Variants in BCORL1 observed in about 807,000 individuals in gnomAD.
BCORL1 encodes BCL6 corepressor like 1.
Under a neutral mutation model 87.6 loss-of-function variants are expected in BCORL1, and 7 were observed. The ratio of observed to expected loss-of-function variants is 0.08; its 90% CI spans 0.05 to 0.15. The LOEUF is 0.15. BCORL1 is among the 10% of genes least tolerant of loss of function. The pLI, the probability that BCORL1 is intolerant of heterozygous loss-of-function variation, is 1.00. For missense variants in BCORL1, 1,215 were observed against 1,499.7 expected, an observed-to-expected ratio of 0.81 and a Z score of 3.13; for synonymous variants, 591 against 634.4, an observed-to-expected ratio of 0.93 and a Z score of 1.03.
At chrX:130,039,313 C>T in intron 11 of BCORL1, 31 bp downstream of exon 11, 2 of 1,200,991 alleles carry the variant, frequency 1.7e-6, no homozygotes, top group Non-Finnish European at 1.1e-6. Context: ...ACACTGTTGT[C>T]CTTGGGGCCA....
At chrX:129,998,366 G>C (rs1927729181) in intron 1 of BCORL1, among the ~76,000 whole-genome samples, 1 of 109,674 alleles carries the variant, frequency 9.1e-6, no homozygotes, top group South Asian at 3.9e-4. Flanking sequence ...GCGGGGTGGT[G>C]GGGGGAGGTG....
chrX:130,045,417 T>C (rs774449766), intron 11 of BCORL1, among the ~76,000 whole-genome samples: 5 of 110,853 alleles, frequency 4.5e-5, no homozygotes, highest in African/African-American at 1.6e-4. Flanking sequence ...ACCTCTGCCA[T>C]ATGACCCCAT....
intron 1 of BCORL1, among the ~76,000 whole-genome samples, chrX:129,993,184 T>A (rs893076750): frequency 8.9e-6 from 1 of 112,287 alleles, no homozygotes; most frequent in Non-Finnish European, 1.9e-5. Flanking sequence ...AATTTCACAA[T>A]GATCACTTAA....
intron 11 of BCORL1, among the ~76,000 whole-genome samples, chrX:130,041,849 G>C (rs1485227767): frequency 1.8e-5 from 2 of 111,267 alleles, no homozygotes; most frequent in South Asian, 7.5e-4. Flanking sequence ...GGATGGTCTC[G>C]ATCTCCTGAC....
chrX:130,043,745 G>GTT (rs1442277183), intron 11 of BCORL1, among the ~76,000 whole-genome samples: 23 of 11,951 alleles, frequency 1.9e-3, no homozygotes, highest in African/African-American at 0.013. Flanking sequence ...CAGCTAATTT[G>GTT]TTATATATAT....
In BCORL1 at chrX:130,056,394, A is replaced by G. The variant is rs766666653; in HGVS notation, c.*258A>G. The G allele has an allele frequency of 4.7e-5, 14 of 299,075 alleles. No individual in the cohort carries two copies. In the East Asian group the frequency reaches 7.9e-4, roughly 17 times the overall value. The allele number at this position is 299,075 out of a possible 1,213,427, so 24.6% of individuals were successfully genotyped here. A position where few individuals can be genotyped will look rare whatever the true frequency, so the allele number is the denominator to read the frequency against. ...AAGTTGAACTCCATGTCTGAGGACA[A>G]GAGGTCCCGGGGGTGGTGGGAGGTG... On this transcript the variant is annotated 3_prime_UTR_variant, in exon 14 of 14. Coordinates refer to ENST00000540052, the MANE Select transcript of BCORL1 (RefSeq NM_001379451.1).
intron 5 of BCORL1, among the ~76,000 whole-genome samples, chrX:130,022,676 C>T (rs774762660): frequency 8.9e-6 from 1 of 111,945 alleles, no homozygotes; most frequent in Non-Finnish European, 1.9e-5. Context: ...AGCGACCAAA[C>T]TCTCAGTTTT....
At chrX:130,046,651 A>T (rs1931773817) in intron 11 of BCORL1, among the ~76,000 whole-genome samples, 2 of 109,997 alleles carry the variant, frequency 1.8e-5, no homozygotes, top group Non-Finnish European at 3.8e-5. Flanking sequence ...GGTTCACACC[A>T]TTCTCCTGCC....
chrX:130,013,163 G>A lies in BCORL1; in HGVS notation c.391G>A (p.Glu131Lys), dbSNP rs779331157. 3.3e-6 allele frequency: 4 copies of A among 1,210,330 alleles called. No homozygotes were observed. The highest frequency in any genetic ancestry group is 4.4e-5 in the Admixed American group (2 of 45,851). ...GLKLPASDSA[E>K]ASNSRADCSW... is the part of the protein sequence containing the mutation. ...CAAGCTTCCCGCATCTGACAGCGCCGAGGCCAGCAACAGCAGGGCCGACTG... is the reference window on the plus strand; with the variant it reads ...CAAGCTTCCCGCATCTGACAGCGCCAAGGCCAGCAACAGCAGGGCCGACTG... The change falls in exon 4 of 14, where the codon GAG becomes AAG. Residue 131 changes from glutamate to lysine, a missense_variant. By Grantham distance (56) the Glu-to-Lys change is moderately conservative. This residue lies in a region of BCORL1 where 861 missense variants were observed against 1,010.0 expected (regional missense o/e 0.85). Transcript: ENST00000540052.
At chrX:130,006,813 A>G (rs1487847472) in intron 2 of BCORL1, among the ~76,000 whole-genome samples, 1 of 100,186 alleles carries the variant, frequency 1.0e-5, no homozygotes, top group Non-Finnish European at 2.0e-5. Context: ...CTCATGATCC[A>G]CTCACCTCGG....
intron 13 of BCORL1, among the ~76,000 whole-genome samples, chrX:130,055,144 G>C (rs751119315): frequency 1.4e-3 from 158 of 111,872 alleles, no homozygotes; most frequent in African/African-American, 4.8e-3. Flanking sequence ...CAATGTAAGC[G>C]TTTGGCCCGG....
At chrX:130,050,861 C>G (rs1932034751) in intron 12 of BCORL1, 67 bp downstream of exon 12, 2 of 949,576 alleles carry the variant, frequency 2.1e-6, no homozygotes, top group Non-Finnish European at 3.0e-6. Context: ...TGGTGGTATC[C>G]CTTCTTCACC....
chrX:130,028,088 C>T (rs1024952192), intron 7 of BCORL1, among the ~76,000 whole-genome samples: 3 of 111,979 alleles, frequency 2.7e-5, no homozygotes, highest in Admixed American at 9.5e-5. Context: ...GCTCATGATG[C>T]CTTCTAGTTT....
intron 13 of BCORL1, 131 bp downstream of exon 13, chrX:130,052,147 T>A (rs764319321): frequency 1.5e-5 from 10 of 645,674 alleles, no homozygotes; most frequent in African/African-American, 2.2e-5. Context: ...TAGCCTGCCC[T>A]TTTAGCCCAG....
chrX:130,028,929 GTGGGGGA>G, intron 8 of BCORL1, 68 bp downstream of exon 8: 1 of 342,717 alleles, frequency 2.9e-6, no homozygotes, highest in Admixed American at 5.1e-5. Flanking sequence ...CAGGAGGGGG[GTGGGGGA>G]TGGGGAGGAT....
chrX:130,047,110 C>A (rs775089804), intron 11 of BCORL1, among the ~76,000 whole-genome samples: 1 of 111,537 alleles, frequency 9.0e-6, no homozygotes, highest in Non-Finnish European at 1.9e-5. Flanking sequence ...GACTAATATT[C>A]TCTTATGTGG....
intron 11 of BCORL1, among the ~76,000 whole-genome samples, chrX:130,045,662 G>C (rs1931697597): frequency 9.0e-6 from 1 of 110,800 alleles, no homozygotes; most frequent in Non-Finnish European, 1.9e-5. Context: ...TTGTTACCTA[G>C]GCTGAAGTGC....
At chrX:130,006,712 C>T (rs955964658) in intron 2 of BCORL1, among the ~76,000 whole-genome samples, 5 of 108,264 alleles carry the variant, frequency 4.6e-5, no homozygotes, top group Non-Finnish European at 5.7e-5. Context: ...TCTGGGGCTA[C>T]AGGCGTATGC....
Position 130,013,043 on chromosome X carries a change from A to G in BCORL1, c.271A>G (p.Lys91Glu). ...AAAACTTGGGCACAAGTCAGAAGACAAGCCTGACGATCCCCAGCCAAAAAT... is the reference window on the plus strand; with the variant it reads ...AAAACTTGGGCACAAGTCAGAAGACGAGCCTGACGATCCCCAGCCAAAAAT... ...TEKLGHKSEDKPDDPQPKMDY... is the reference protein window; with the variant it reads ...TEKLGHKSEDEPDDPQPKMDY... The change falls in exon 4 of 14, where the codon AAG becomes GAG. Residue 91 changes from lysine to glutamate, a missense_variant. Physicochemically the swap from Lys to Glu is moderately conservative, Grantham distance 56. Around this residue, in one of 5 missense-constraint regions of BCORL1, gnomAD observed 861 missense variants for 1,010.0 expected, o/e 0.85. Transcript: ENST00000540052. The G allele has an allele frequency of 8.3e-7, 1 of 1,210,911 alleles. No individual in the cohort carries two copies. The highest frequency in any genetic ancestry group is 1.8e-5 in the South Asian group (1 of 57,001).
Sources: allele counts gnomAD v4.1 joint callset (sites outside exome capture counted in the v4.1 genomes callset), GRCh38; gene constraint gnomAD v4.1.1; regional missense constraint gnomAD v4.1.1; transcripts MANE v1.5; gene names NCBI Gene and HGNC (gene_info 2026-07-23, HGNC 2026-07-21).